The following UTP20 variants were observed in gnomAD, a reference collection of about 807,000 sequenced individuals.
UTP20 encodes small subunit processome component 20 homolog.
Under a neutral mutation model 329.5 loss-of-function variants are expected in UTP20, and 164 were observed. The ratio of observed to expected loss-of-function variants is 0.50; its 90% confidence interval spans 0.44 to 0.57. UTP20 has a LOEUF of 0.57. UTP20 is among the 20% of genes least tolerant of loss of function. The probability of loss-of-function intolerance (pLI) is 0.00; values close to 1 mark genes in which losing one functional copy is unlikely to be tolerated. For synonymous variants in UTP20, 1,151 were observed against 1,159.3 expected, an observed-to-expected ratio of 0.99 and a Z score of 0.14; for missense variants, 3,055 against 3,284.2, an observed-to-expected ratio of 0.93 and a Z score of 1.71.
intron 26 of UTP20, among the ~76,000 whole-genome samples, 174 bp from the exon 27 acceptor site, chr12:101,329,067 T>C (rs774271680): frequency 5.3e-5 from 8 of 152,108 alleles, no homozygotes; most frequent in Non-Finnish European, 1.0e-4. Context: ...CCTTGAGTAT[T>C]TGGTAAGAGT....
chr12:101,306,651 T>C (rs1254261775), intron 16 of UTP20, 48 bp from the exon 17 acceptor site: 20 of 1,538,324 alleles, frequency 1.3e-5, no homozygotes, highest in Non-Finnish European at 1.7e-5. Flanking sequence ...TCAGTTTCTT[T>C]TTATGGTTAA....
chr12:101,299,275 A>G (rs1872452320), intron 12 of UTP20, among the ~76,000 whole-genome samples: 2 of 152,192 alleles, frequency 1.3e-5, no homozygotes, highest in Non-Finnish European at 2.9e-5. Flanking sequence ...GTATTCGTCA[A>G]CTTCATCACA....
chr12:101,289,694 A>G (rs896627092), intron 6 of UTP20, among the ~76,000 whole-genome samples: 5 of 152,152 alleles, frequency 3.3e-5, no homozygotes, highest in Non-Finnish European at 7.3e-5. Flanking sequence ...CATTAACAAG[A>G]ACTTTTCTAA....
At chr12:101,285,911 A>G (rs1271719322) in intron 4 of UTP20, 30 bp downstream of exon 4, 2 of 1,604,886 alleles carry the variant, frequency 1.2e-6, no homozygotes, top group African/African-American at 2.7e-5. Context: ...AAAGCTCACA[A>G]CTATATTTGC....
At chr12:101,355,145 G>T (rs1195412658) in intron 41 of UTP20, 27 bp downstream of exon 41, 1 of 1,597,408 alleles carries the variant, frequency 6.3e-7, no homozygotes, top group South Asian at 1.1e-5. Flanking sequence ...GGGTCCAGCA[G>T]GTCTGTGTGA....
chr12:101,310,147 T>C (rs1872741095), intron 19 of UTP20, among the ~76,000 whole-genome samples: 2 of 152,232 alleles, frequency 1.3e-5, no homozygotes, highest in South Asian at 4.1e-4. Flanking sequence ...CAAGGAAGTA[T>C]AATAATTGCA....
intron 37 of UTP20, among the ~76,000 whole-genome samples, chr12:101,346,218 A>G (rs1204288382): frequency 6.6e-6 from 1 of 151,970 alleles, no homozygotes; most frequent in East Asian, 1.9e-4. Flanking sequence ...CACCCAGCTA[A>G]TTTTGTATTT....
chr12:101,367,798 T>TTAG, intron 47 of UTP20, 62 bp from the exon 48 acceptor site: 1 of 987,074 alleles, frequency 1.0e-6, no homozygotes, highest in Non-Finnish European at 1.6e-6. Context: ...TCATTTCACA[T>TTAG]TTACCTAACT....
rs1344333633 is a variant in UTP20 at position 101,386,217 on chromosome 12, T to G, written c.*94T>G. 3.3e-5 allele frequency: 41 copies of G among 1,258,082 alleles called. No homozygotes were observed. The South Asian group carries it at 4.4e-4, about 14-fold the overall frequency. The allele number at this position is 1,258,082 out of a possible 1,614,324, so 77.9% of individuals were successfully genotyped here. ...GTCTGGGGTAGGGGGGAGGCGTTTT[T>G]TTTTTTTTTTGAGACAAGGTCTCAC... On this transcript the variant is annotated 3_prime_UTR_variant, in exon 62 of 62. Coordinates refer to ENST00000261637, the MANE Select transcript of UTP20 (RefSeq NM_014503.3).
At position 101,363,948 on chromosome 12, in the gene UTP20, A is replaced by G. The variant is rs2305860; in HGVS notation, c.5958+205A>G. Among the ~76,000 whole-genome samples the G allele has an allele frequency of 1.5e-3, 229 of 152,340 alleles. 6 individuals carry two copies. The East Asian group carries it at 0.038, about 25-fold the overall frequency. The stretch of plus-strand genomic sequence containing the variant: ...ATGTAAACCATGAGATGAGAAAGAA[A>G]GGCAACAAGAATTGAGTGCAGGTGA... On this transcript the variant is annotated intron_variant, in intron 45 of 61. Transcript: ENST00000261637.
chr12:101,357,624 C>T (rs1312193401), intron 43 of UTP20, among the ~76,000 whole-genome samples: 1 of 152,084 alleles, frequency 6.6e-6, no homozygotes, highest in Non-Finnish European at 1.5e-5. Context: ...TTTGGTGGCA[C>T]ACGTTTGTGG....
At chr12:101,382,918 G>T (rs1263921897) in intron 58 of UTP20, 123 bp from the exon 59 acceptor site, 18 of 1,146,686 alleles carry the variant, frequency 1.6e-5, no homozygotes, top group Middle Eastern at 3.1e-4. Context: ...TTAAATAGTT[G>T]TAATACCTAG....
chr12:101,314,657 CA>C (rs780649389), intron 21 of UTP20, among the ~76,000 whole-genome samples: 143 of 105,442 alleles, frequency 1.4e-3, no homozygotes, highest in Middle Eastern at 6.3e-3. Context: ...GACTCTGTCT[CA>C]AAAAAAAAAA....
Position 101,365,564 on chromosome 12 carries a change from A to T in UTP20, c.6064A>T (p.Ile2022Phe), listed in dbSNP as rs1443687740. Reference sequence around the variant, plus strand: ...AAATCAGGAAATGACAGCTGAATCCATTCTATTACTCAGTTATGGTTTGAT... The same window carrying T: ...AAATCAGGAAATGACAGCTGAATCCTTTCTATTACTCAGTTATGGTTTGAT... ...IVNQEMTAES[I>F]LLLSYGLISE... Residue 2022 changes from isoleucine (I) to phenylalanine (F), a missense_variant, in exon 46 of 62, where the codon ATT becomes TTT. Around this residue, in one of 3 missense-constraint regions of UTP20, gnomAD observed 2,445 missense variants for 2,575.5 expected, o/e 0.95. Transcript: ENST00000261637. 6.2e-7 allele frequency: 1 copy of T among 1,612,870 alleles called. No homozygotes were observed. Among genetic ancestry groups the T allele is most frequent in the Non-Finnish European group, 8.5e-7 (1 of 1,179,666 alleles).
intron 38 of UTP20, among the ~76,000 whole-genome samples, chr12:101,349,205 C>A (rs981411229): frequency 9.9e-5 from 15 of 151,380 alleles, no homozygotes; most frequent in African/African-American, 3.4e-4. Flanking sequence ...TATTGTATGG[C>A]CTGGCCCTTG....
rs1565800609 is a variant in UTP20 at position 101,347,615 on chromosome 12, G to A, written c.4884+1027G>A. Among the ~76,000 whole-genome samples, 3 of 152,256 alleles carry A rather than the reference G, an allele frequency of 2.0e-5. 1 individual carries two copies. The South Asian group carries it at 6.2e-4, about 32-fold the overall frequency. ...AGGATTTGTGACTTAAATTTATACTGTTGATTACATGGCCTTATACAATAA... is the reference window on the plus strand; with the variant it reads ...AGGATTTGTGACTTAAATTTATACTATTGATTACATGGCCTTATACAATAA... On this transcript the variant is annotated intron_variant, in intron 38 of 61. Transcript: ENST00000261637.
intron 5 of UTP20, among the ~76,000 whole-genome samples, chr12:101,288,008 G>C (rs911874093): frequency 6.6e-6 from 1 of 152,200 alleles, no homozygotes; most frequent in African/African-American, 2.4e-5. Context: ...AAGGTCTTCA[G>C]CTTCATTGTG....
intron 47 of UTP20, 26 bp from the exon 48 acceptor site, chr12:101,367,834 T>G: frequency 3.2e-5 from 48 of 1,511,480 alleles, no homozygotes; most frequent in Non-Finnish European, 4.2e-5. Flanking sequence ...GCAACTAATG[T>G]GAAATACCTG....
rs190268778 is a variant in UTP20 at position 101,294,119 on chromosome 12, T to C, written c.1251+874T>C. On this transcript the variant is annotated intron_variant, in intron 11 of 61. Coordinates refer to ENST00000261637, the MANE Select transcript of UTP20 (RefSeq NM_014503.3). Reference sequence around the variant, plus strand: ...GGCATGATCTCGGCTCACTGCAACCTCTGCCTCCCAGGTTCATGCCATTCT... The same window carrying C: ...GGCATGATCTCGGCTCACTGCAACCCCTGCCTCCCAGGTTCATGCCATTCT... 4.7e-4 allele frequency among the ~76,000 whole-genome samples: 71 copies of C among 152,088 alleles called. No individual in the cohort carries two copies. The East Asian group carries it at 0.014, about 29-fold the overall frequency.
Sources: allele counts gnomAD v4.1 joint callset (sites outside exome capture counted in the v4.1 genomes callset), GRCh38; gene constraint gnomAD v4.1.1; regional missense constraint gnomAD v4.1.1; transcripts MANE v1.5; gene names NCBI Gene and HGNC (gene_info 2026-07-23, HGNC 2026-07-21).